The following KCNH1 variants were observed in gnomAD, a reference collection of about 807,000 sequenced individuals.
The protein encoded by KCNH1 is potassium voltage-gated channel subfamily H member 1.
KCNH1 carries 27 observed loss-of-function variants against 69.2 expected under a neutral mutation model. The ratio of observed to expected loss-of-function variants is 0.39; its 90% CI spans 0.29 to 0.54. KCNH1 has a LOEUF of 0.54. Among genes scored for constraint, KCNH1 ranks in the 20% least tolerant of loss-of-function variants. The pLI is 0.68. For missense variants in KCNH1, 798 were observed against 1,261.6 expected, an observed-to-expected ratio of 0.63 and a Z score of 5.57; for synonymous variants, 456 against 487.7, an observed-to-expected ratio of 0.93 and a Z score of 0.86.
intron 7 of KCNH1, among the ~76,000 whole-genome samples, chr1:210,870,704 A>C (rs1258794258): frequency 6.6e-6 from 1 of 152,204 alleles, no homozygotes; most frequent in East Asian, 1.9e-4. Context: ...TCCCAGACAG[A>C]GGGAGATGAG....
chr1:211,035,828 C>T (rs909063905), intron 5 of KCNH1, among the ~76,000 whole-genome samples: 1 of 152,184 alleles, frequency 6.6e-6, no homozygotes, highest in African/African-American at 2.4e-5. Context: ...TATCTGGCTC[C>T]AATAGTCCTT....
At chr1:210,750,752 C>T (rs890001816) in intron 10 of KCNH1, among the ~76,000 whole-genome samples, 4 of 152,072 alleles carry the variant, frequency 2.6e-5, no homozygotes, top group Admixed American at 2.0e-4. Context: ...TTTCGGAAGC[C>T]TCTTTCCAAT....
chr1:211,060,400 CAAAAAAAAAA>C (rs60620622), intron 5 of KCNH1, among the ~76,000 whole-genome samples: 3 of 44,328 alleles, frequency 6.8e-5, no homozygotes, highest in South Asian at 1.2e-3. Flanking sequence ...GACTCCGTCT[CAAAAAAAAAA>C]AAAAAAAAAA....
At chr1:210,903,227 T>C (rs980877635) in intron 7 of KCNH1, among the ~76,000 whole-genome samples, 4 of 152,214 alleles carry the variant, frequency 2.6e-5, no homozygotes, top group Admixed American at 2.6e-4. Flanking sequence ...CATACTTAAC[T>C]ACAACCACAG....
chr1:210,957,796 C>A (rs998338532), intron 6 of KCNH1, among the ~76,000 whole-genome samples: 5 of 152,072 alleles, frequency 3.3e-5, no homozygotes, highest in African/African-American at 1.2e-4. Context: ...TTATTTTGGG[C>A]CTATGTGTGT....
chr1:210,873,883 T>C (rs974695774), intron 7 of KCNH1, among the ~76,000 whole-genome samples: 2 of 152,128 alleles, frequency 1.3e-5, no homozygotes, highest in Non-Finnish European at 2.9e-5. Flanking sequence ...ATAAATATAA[T>C]TCAGTTAAGT....
At chr1:210,946,151 A>G (rs1307142901) in intron 6 of KCNH1, among the ~76,000 whole-genome samples, 1 of 152,226 alleles carries the variant, frequency 6.6e-6, no homozygotes, top group African/African-American at 2.4e-5. Context: ...AATAACTGCA[A>G]ACATCTCAGA....
chr1:210,856,660 C>T (rs1685844138), intron 7 of KCNH1, among the ~76,000 whole-genome samples: 1 of 150,680 alleles, frequency 6.6e-6, no homozygotes, highest in East Asian at 1.9e-4. Context: ...GAGAGTACCC[C>T]CTCATCCCTG....
intron 10 of KCNH1, among the ~76,000 whole-genome samples, chr1:210,743,056 A>G (rs936939479): frequency 6.6e-6 from 1 of 152,216 alleles, no homozygotes; most frequent in Non-Finnish European, 1.5e-5. Context: ...TAAATGTTTC[A>G]TGTAGTAAAT....
chr1:211,115,724 T>TATATATATATATATATAC (rs1691564660), intron 1 of KCNH1, among the ~76,000 whole-genome samples: 1 of 138,574 alleles, frequency 7.2e-6, no homozygotes, highest in Non-Finnish European at 1.6e-5. Flanking sequence ...TATGTATATA[T>TATATATATATATATATAC]ATATATACAC....
At chr1:211,024,410 T>C (rs1339334964) in intron 5 of KCNH1, among the ~76,000 whole-genome samples, 1 of 152,100 alleles carries the variant, frequency 6.6e-6, no homozygotes, top group Non-Finnish European at 1.5e-5. Flanking sequence ...ATAAGTTTGA[T>C]ATTATCAGGA....
chr1:210,961,533 C>T (rs535592923), intron 6 of KCNH1, among the ~76,000 whole-genome samples: 1 of 151,934 alleles, frequency 6.6e-6, no homozygotes, highest in African/African-American at 2.4e-5. Flanking sequence ...CTCTTGTTTC[C>T]TGAATATACA....
At chr1:210,890,623 G>T (rs116551134) in intron 7 of KCNH1, among the ~76,000 whole-genome samples, 4,209 of 152,004 alleles carry the variant, frequency 0.028, 79 homozygotes, top group Non-Finnish European at 0.038. Flanking sequence ...CAGAATGGGA[G>T]AAAATGTCTG....
intron 9 of KCNH1, among the ~76,000 whole-genome samples, chr1:210,783,304 G>T (rs1684027521): frequency 6.6e-6 from 1 of 152,148 alleles, no homozygotes; most frequent in Non-Finnish European, 1.5e-5. Flanking sequence ...AATGACACCT[G>T]CCTTGGGTGG....
Position 211,006,999 on chromosome 1 carries a change from T to TA in KCNH1, c.1032+11783dup, listed in dbSNP as rs1188941809. 4.6e-5 allele frequency among the ~76,000 whole-genome samples: 7 copies of TA among 152,258 alleles called. No individual in the cohort carries two copies. The East Asian group carries it at 1.3e-3, about 29-fold the overall frequency. ...GACAATATATGCCAAAATGTTAAGATAAAATCATGGGCAATCCTTATTTCT... is the reference window on the plus strand; with the variant it reads ...GACAATATATGCCAAAATGTTAAGATAAAAATCATGGGCAATCCTTATTTCT... On this transcript the variant is annotated intron_variant, in intron 6 of 10. Coordinates refer to ENST00000271751, the MANE Select transcript of KCNH1 (RefSeq NM_172362.3).
chr1:210,939,056 G>A (rs1687831504), intron 6 of KCNH1, among the ~76,000 whole-genome samples: 1 of 152,132 alleles, frequency 6.6e-6, no homozygotes, highest in South Asian at 2.1e-4. Flanking sequence ...TCTCTGTGAA[G>A]CCCCCTGATC....
chr1:210,910,277 C>CA (rs373832448), intron 7 of KCNH1, among the ~76,000 whole-genome samples: 11,628 of 102,656 alleles, frequency 0.11, 1,098 homozygotes, highest in East Asian at 0.25. Flanking sequence ...CATCAAGCAC[C>CA]AAAAAAAAAA....
chr1:211,122,661 A>G (rs1691710463), intron 1 of KCNH1, among the ~76,000 whole-genome samples: 1 of 152,216 alleles, frequency 6.6e-6, no homozygotes, highest in Admixed American at 6.5e-5. Flanking sequence ...AAGGAATGAG[A>G]TCATGTCCTT....
At chr1:210,817,045 C>T (rs1684830807) in intron 7 of KCNH1, among the ~76,000 whole-genome samples, 1 of 152,180 alleles carries the variant, frequency 6.6e-6, no homozygotes, top group South Asian at 2.1e-4. Context: ...ATTTTCCATA[C>T]TGAATAACCA....
Sources: gnomAD v4.1 joint callset for allele counts (sites outside exome capture counted in the v4.1 genomes callset) on GRCh38, gnomAD v4.1.1 for gene constraint, MANE v1.5 for transcripts, NCBI Gene and HGNC (gene_info 2026-07-23, HGNC 2026-07-21) for gene names.